TTC12: variants seen among roughly 807,000 people sequenced by gnomAD.
The protein encoded by TTC12 is tetratricopeptide repeat domain 12, also known as tetratricopeptide repeat protein 12.
Under a neutral mutation model 90.1 loss-of-function variants are expected in TTC12, and 70 were observed. That is an observed-to-expected ratio of 0.78 (90% confidence interval 0.64 to 0.95). The LOEUF (loss-of-function observed/expected upper bound fraction) is 0.95, where lower values mean the gene tolerates loss of function less well. TTC12 is among the 40% of genes least tolerant of loss of function. The pLI, the probability that TTC12 is intolerant of heterozygous loss-of-function variation, is 0.00. For synonymous variants in TTC12, 296 were observed against 311.5 expected, an observed-to-expected ratio of 0.95 and a Z score of 0.53; for missense variants, 819 against 846.1, an observed-to-expected ratio of 0.97 and a Z score of 0.40.
rs1555146194 is a variant in TTC12, at chr11:113,341,856, A to G, written c.916A>G (p.Asn306Asp). 1 of 1,614,102 alleles carries G rather than the reference A, an allele frequency of 6.2e-7. No homozygotes were observed. The highest frequency in any genetic ancestry group is 1.7e-5 in the Admixed American group (1 of 60,030). ...VIRRCFSTAGNDAVEEMVCVS... is the reference protein window; with the variant it reads ...VIRRCFSTAGDDAVEEMVCVS... ...TTCTAGGTGTTTTTCCACAGCAGGA[A>G]ATGATGCAGTTGAAGAAATGGTCTG... The change falls in exon 12 of 22, where the codon AAT becomes GAT. Residue 306 changes from asparagine (N) to aspartate (D), a missense_variant. Physicochemically the swap from Asn to Asp is conservative, Grantham distance 23. Coordinates refer to ENST00000529221, the MANE Select transcript of TTC12 (RefSeq NM_017868.4).
Position 113,362,393 on chromosome 11 carries a change from G to A in TTC12, c.1615-8G>A. ...GACATTTAATTATCCTCTTTCTGCT[G>A]TACTCAGAGAGCTGCTGGTGTTCTG... On this transcript the variant is annotated splice_polypyrimidine_tract_variant and splice_region_variant and intron_variant, in intron 18 of 21. Coordinates refer to ENST00000529221, the MANE Select transcript of TTC12 (RefSeq NM_017868.4). The A allele has an allele frequency of 6.2e-7, 1 of 1,603,748 alleles. No individual in the cohort carries two copies. The highest frequency in any genetic ancestry group is 2.2e-5 in the East Asian group (1 of 44,826).
downstream of TTC12, among the ~76,000 whole-genome samples, chr11:113,366,824 G>C (rs1950234339): frequency 6.6e-6 from 1 of 152,194 alleles, no homozygotes; most frequent in Non-Finnish European, 1.5e-5. Flanking sequence ...TGGGGTGAGT[G>C]GTAGGTGGTG....
chr11:113,340,824 G>T (rs782513872), intron 11 of TTC12, 91 bp downstream of exon 11: 70 of 1,108,112 alleles, frequency 6.3e-5, no homozygotes, highest in Non-Finnish European at 8.9e-5. Flanking sequence ...AGACAGTCAC[G>T]TTTCTGAACA....
intron 10 of TTC12, among the ~76,000 whole-genome samples, chr11:113,340,402 AG>A (rs575351989): frequency 3.6e-4 from 55 of 152,382 alleles, no homozygotes; most frequent in South Asian, 3.3e-3. Context: ...TGAGCTGTGC[AG>A]ATAGCCCTCG....
intron 20 of TTC12, 128 bp downstream of exon 20, chr11:113,364,055 G>C: frequency 3.2e-6 from 2 of 620,626 alleles, no homozygotes; most frequent in South Asian, 2.0e-5. Context: ...CTTCAGCAAT[G>C]TTTACAGAAG....
chr11:113,368,720 C>G (rs1044852992), downstream of TTC12: 41 of 560,062 alleles, frequency 7.3e-5, no homozygotes, highest in East Asian at 1.2e-3. Context: ...TCACGGGCTG[C>G]TATTGTAAAC....
rs1436415590 is a variant in TTC12 at position 113,319,949 on chromosome 11, ACAC to A, written c.59-3336_59-3334del. ...AAAAAAACTTTAAAACTTTTATAAG[ACAC>A]CATAAGAGAGTATATTTATAACCTT... is the stretch of plus-strand genomic sequence containing the variant. On this transcript the variant is annotated intron_variant, in intron 2 of 21. Transcript: ENST00000529221. 1.5e-4 allele frequency among the ~76,000 whole-genome samples: 23 copies of A among 152,334 alleles called. No individual in the cohort carries two copies. In the East Asian group the frequency reaches 4.2e-3, roughly 28 times the overall value.
At position 113,366,387 on chromosome 11, in the gene TTC12, A is replaced by G. The variant is rs1950216689; in HGVS notation, c.*87A>G. The G allele has an allele frequency of 6.3e-7, 1 of 1,583,374 alleles. No individual in the cohort carries two copies. The highest frequency in any genetic ancestry group is 8.6e-7 in the Non-Finnish European group (1 of 1,168,494). ...GCTAATAAAGACCTTTGATGTATCCACTTCAGAATCAAGTACTCATTTTTA... is the reference window on the plus strand; with the variant it reads ...GCTAATAAAGACCTTTGATGTATCCGCTTCAGAATCAAGTACTCATTTTTA... On this transcript the variant is annotated 3_prime_UTR_variant, in exon 22 of 22. Transcript: ENST00000529221.
Position 113,323,370 on chromosome 11 carries a change from T to C in TTC12, c.141T>C (p.Leu47=). 1 of 1,613,506 alleles carries C rather than the reference T, an allele frequency of 6.2e-7. No individual in the cohort carries two copies. Among genetic ancestry groups the C allele is most frequent in the Non-Finnish European group, 8.5e-7 (1 of 1,179,782 alleles). ...AVLETEKRLL[L]MEEDQEEDEC... is the part of the protein sequence containing the mutation. ...TGGAGACAGAAAAGAGACTACTGCT[T>C]ATGGAGGAAGACCAGGAGGAGGATG... is the stretch of plus-strand genomic sequence containing the variant. The change falls in exon 3 of 22, where the codon CTT becomes CTC. Residue 47 remains leucine, a synonymous_variant. Transcript: ENST00000529221.
intron 13 of TTC12, among the ~76,000 whole-genome samples, chr11:113,345,437 C>G (rs557268086): frequency 7.0e-6 from 1 of 143,528 alleles, no homozygotes; most frequent in Non-Finnish European, 1.5e-5. Context: ...GAGGACCCAG[C>G]TCCGCTCTGT....
chr11:113,347,979 C>T (rs1236140929), intron 13 of TTC12, among the ~76,000 whole-genome samples: 1 of 152,210 alleles, frequency 6.6e-6, no homozygotes, highest in Non-Finnish European at 1.5e-5. Context: ...TACCTCCTGG[C>T]TATTCCTTTG....
intron 6 of TTC12, 159 bp from the exon 7 acceptor site, chr11:113,329,761 C>G: frequency 1.4e-6 from 1 of 702,098 alleles, no homozygotes; most frequent in Non-Finnish European, 2.6e-6. Flanking sequence ...CTCAGTTGCC[C>G]AGTGCAAGTG....
At chr11:113,337,072 A>G (rs1948411235) in intron 8 of TTC12, among the ~76,000 whole-genome samples, 1 of 152,238 alleles carries the variant, frequency 6.6e-6, no homozygotes, top group South Asian at 2.1e-4. Flanking sequence ...TTAATTGTAA[A>G]TGTAATACAG....
At chr11:113,333,838 T>G (rs993446784) in intron 7 of TTC12, among the ~76,000 whole-genome samples, 6 of 152,208 alleles carry the variant, frequency 3.9e-5, no homozygotes, top group African/African-American at 1.4e-4. Context: ...GTTGTTATTC[T>G]TCTCTCTTTT....
chr11:113,364,237 A>T, intron 20 of TTC12: 1 of 298,670 alleles, frequency 3.3e-6, no homozygotes, highest in Non-Finnish European at 6.3e-6. Flanking sequence ...GGAGAGGGGG[A>T]AACACCGTCA....
chr11:113,328,118 G>T (rs782351006), intron 6 of TTC12, among the ~76,000 whole-genome samples: 2 of 152,168 alleles, frequency 1.3e-5, no homozygotes, highest in Non-Finnish European at 2.9e-5. Context: ...AATCCTATGT[G>T]TAGTACTGGC....
chr11:113,364,118 G>A (rs1159215097), intron 20 of TTC12, among the ~76,000 whole-genome samples, 191 bp downstream of exon 20: 2 of 152,212 alleles, frequency 1.3e-5, no homozygotes, highest in East Asian at 3.9e-4. Flanking sequence ...GATGCACACA[G>A]GTAGAATGCC....
At position 113,339,403 on chromosome 11, in the gene TTC12, T is replaced by C. The variant is rs782111342; in HGVS notation, c.755T>C (p.Leu252Pro). ...AVTTKNLLET[L>P]SKPDQIPLFY... is the part of the protein sequence containing the mutation. Reference sequence around the variant, plus strand: ...ACCACCAAGAACCTCCTGGAGACCCTTTCCAAGCCTGACCAGATCCCCTTG... The same window carrying C: ...ACCACCAAGAACCTCCTGGAGACCCCTTCCAAGCCTGACCAGATCCCCTTG... The change falls in exon 10 of 22, where the codon CTT becomes CCT. Residue 252 changes from leucine (L) to proline (P), a missense_variant. By Grantham distance (98) the Leu-to-Pro change is moderately conservative (BLOSUM62 -3). Transcript: ENST00000529221. The C allele has an allele frequency of 7.0e-5, 113 of 1,613,730 alleles. No individual in the cohort carries two copies. Among genetic ancestry groups the C allele is most frequent in the Non-Finnish European group, 8.6e-5 (101 of 1,179,972 alleles).
intron 12 of TTC12, among the ~76,000 whole-genome samples, chr11:113,342,978 C>T (rs1412155286): frequency 6.6e-6 from 1 of 152,144 alleles, no homozygotes; most frequent in Non-Finnish European, 1.5e-5. Context: ...TTTCTGTGAA[C>T]CTTAAAGTTA....
Sources: gnomAD v4.1 joint callset for allele counts (sites outside exome capture counted in the v4.1 genomes callset) on GRCh38, gnomAD v4.1.1 for gene constraint, MANE v1.5 for transcripts, NCBI Gene and HGNC (gene_info 2026-07-23, HGNC 2026-07-21) for gene names.